Variants in RECQL5 observed in about 807,000 individuals in gnomAD.
The protein encoded by RECQL5 is ATP-dependent DNA helicase Q5.
In RECQL5, 88 loss-of-function variants were observed where a neutral mutation model predicts 103.4. The ratio of observed to expected loss-of-function variants is 0.85; its 90% confidence interval spans 0.72 to 1.02. The LOEUF is 1.02. RECQL5 is among the 50% of genes least tolerant of loss of function. The pLI, the probability that RECQL5 is intolerant of heterozygous loss-of-function variation, is 0.00. For synonymous variants in RECQL5, 552 were observed against 507.9 expected, an observed-to-expected ratio of 1.09 and a Z score of -1.17; for missense variants, 1,232 against 1,284.3, an observed-to-expected ratio of 0.96 and a Z score of 0.62.
chr17:75,657,058 T>C (rs532615659), intron 7 of RECQL5, among the ~76,000 whole-genome samples: 3 of 152,238 alleles, frequency 2.0e-5, no homozygotes, highest in African/African-American at 7.2e-5. Flanking sequence ...TATTGTCATT[T>C]TGGCAGAGAT....
chr17:75,631,077 AGAG>A, intron 10 of RECQL5, 67 bp from the exon 11 acceptor site: 1 of 1,609,438 alleles, frequency 6.2e-7, no homozygotes, highest in South Asian at 1.1e-5. Context: ...ATCCAGCACC[AGAG>A]AAGGGGCTGA....
In RECQL5 at chr17:75,662,800, C is replaced by T. The variant is rs1386615887; in HGVS notation, c.450G>A (p.Leu150=). ...CTTCATCCACCACCAAGTAAGACAG[C>T]AGGTGGCGGGACACCAGGGAGTTCA... ...PTLNSLVSRH[L]LSYLVVDEAH... The change falls in exon 4 of 20, where the codon CTG becomes CTA. Residue 150 remains leucine (L), a synonymous_variant. Coordinates refer to ENST00000317905, the MANE Select transcript of RECQL5 (RefSeq NM_004259.7). The T allele has an allele frequency of 6.2e-7, 1 of 1,614,124 alleles. No homozygotes were observed. Among genetic ancestry groups the T allele is most frequent in the South Asian group, 1.1e-5 (1 of 91,084 alleles).
At chr17:75,638,007 G>T (rs2059359421) in intron 8 of RECQL5, 3 of 152,222 alleles carry the variant, frequency 2.0e-5, no homozygotes, top group Admixed American at 2.0e-4. Context: ...AGCATTCTAG[G>T]ACCCTATGCC....
intron 8 of RECQL5, among the ~76,000 whole-genome samples, chr17:75,641,987 C>T (rs2059440856): frequency 6.6e-6 from 1 of 152,178 alleles, no homozygotes; most frequent in African/African-American, 2.4e-5. Flanking sequence ...GTCTAGCACT[C>T]AGCTCGGTGC....
chr17:75,644,052 C>T (rs2059462030), intron 8 of RECQL5, among the ~76,000 whole-genome samples: 1 of 152,228 alleles, frequency 6.6e-6, no homozygotes, highest in Admixed American at 6.5e-5. Context: ...GCCTGTAATC[C>T]CAGCACTTTG....
At chr17:75,631,039 G>T in intron 10 of RECQL5, 29 bp from the exon 11 acceptor site, 1 of 1,613,264 alleles carries the variant, frequency 6.2e-7, no homozygotes, top group East Asian at 2.2e-5. Flanking sequence ...GACCCATGAG[G>T]CGTCCTGCCC....
intron 4 of RECQL5, among the ~76,000 whole-genome samples, chr17:75,662,031 C>T (rs1164625655): frequency 6.6e-6 from 1 of 152,192 alleles, no homozygotes; most frequent in Non-Finnish European, 1.5e-5. Flanking sequence ...AGTGGTGGCG[C>T]ATGCCTGTAA....
intron 7 of RECQL5, among the ~76,000 whole-genome samples, chr17:75,657,301 C>T (rs2059636398): frequency 6.6e-6 from 1 of 152,218 alleles, no homozygotes; most frequent in African/African-American, 2.4e-5. Context: ...AGGAGGATCA[C>T]TCGAGCCCAG....
chr17:75,647,580 G>A, intron 8 of RECQL5: 6 of 1,549,336 alleles, frequency 3.9e-6, no homozygotes, highest in Non-Finnish European at 4.4e-6. Flanking sequence ...ACTTGCTGGG[G>A]ACTGAGATGG....
intron 8 of RECQL5, among the ~76,000 whole-genome samples, chr17:75,643,109 C>T (rs1599024019): frequency 6.6e-6 from 1 of 152,244 alleles, no homozygotes; most frequent in African/African-American, 2.4e-5. Context: ...AAGAAAAACA[C>T]AGGGTAGTGG....
In RECQL5 at chr17:75,658,434, T is replaced by C. The variant is rs916795801; in HGVS notation, c.1013A>G (p.Lys338Arg). ...CTCCTGGTAGTACCCAGCCATAGAC[T>C]TGGCAATATTCCAATGGGCGACAAA... The part of the protein sequence containing the change: ...VRFVAHWNIA[K>R]SMAGYYQESG... The change falls in exon 7 of 20, where the codon AAG (lysine) becomes AGG (arginine). Residue 338 changes from lysine (K) to arginine (R), a missense_variant. Lys to Arg is a conservative substitution (Grantham distance 26). Transcript: ENST00000317905. The C allele has an allele frequency of 7.4e-6, 12 of 1,613,662 alleles. No individual in the cohort carries two copies. The Admixed American group carries it at 8.3e-5, about 11-fold the overall frequency.
intron 8 of RECQL5, among the ~76,000 whole-genome samples, chr17:75,633,112 C>T (rs1230769577): frequency 6.6e-6 from 1 of 152,244 alleles, no homozygotes; most frequent in South Asian, 2.1e-4. Context: ...CTCCTGCCCC[C>T]ACTCTGCTCC....
chr17:75,649,827 C>T, intron 8 of RECQL5: 1 of 985,498 alleles, frequency 1.0e-6, no homozygotes, highest in Non-Finnish European at 1.2e-6. Flanking sequence ...GTCACCTGGA[C>T]TCCTTGAGTC....
chr17:75,627,309 G>A lies in RECQL5; in HGVS notation c.*113C>T, dbSNP rs991287762. Reference sequence around the variant, plus strand: ...GTCATCCCCAAAGCCAAGTATGGTTGGAAAGGAGAAGGACTGAGAAAAGAC... The same window carrying A: ...GTCATCCCCAAAGCCAAGTATGGTTAGAAAGGAGAAGGACTGAGAAAAGAC... On this transcript the variant is annotated 3_prime_UTR_variant, in exon 20 of 20. Coordinates refer to ENST00000317905, the MANE Select transcript of RECQL5 (RefSeq NM_004259.7). 2.4e-6 allele frequency: 2 copies of A among 848,370 alleles called. No individual in the cohort carries two copies. The highest frequency in any genetic ancestry group is 3.9e-6 in the Non-Finnish European group (2 of 508,226). 52.6% of individuals were successfully genotyped at this position (848,370 alleles called of 1,614,324 possible). A position where few individuals can be genotyped will look rare whatever the true frequency, so the allele number is the denominator to read the frequency against.
In RECQL5 at chr17:75,630,273, C is replaced by A. The variant is rs763219972; in HGVS notation, c.1723G>T (p.Asp575Tyr). ...AGCTCCACGGCCTTGGCCCGGAGGT[C>A]AGCTCTGTGGGTGCAAGGTAACAGG... ...RQSTRTADEA[D>Y]LRAKAVELEH... Residue 575 changes from aspartate to tyrosine, a missense_variant, in exon 14 of 20, where the codon GAC becomes TAC. Transcript: ENST00000317905. 5 of 1,556,460 alleles carry A rather than the reference C, an allele frequency of 3.2e-6. No homozygotes were observed. Among genetic ancestry groups the A allele is most frequent in the Non-Finnish European group, 4.4e-6 (5 of 1,149,330 alleles).
At chr17:75,644,972 T>A (rs820205) in intron 8 of RECQL5, among the ~76,000 whole-genome samples, 54,649 of 152,166 alleles carry the variant, frequency 0.36, 10,022 homozygotes, top group East Asian at 0.54. Flanking sequence ...ACATACACCT[T>A]TTCCTTGGCC....
intron 7 of RECQL5, among the ~76,000 whole-genome samples, chr17:75,657,272 C>T (rs548838458): frequency 4.0e-4 from 61 of 152,224 alleles, no homozygotes; most frequent in Middle Eastern, 3.4e-3. Context: ...CTGGTCCCAG[C>T]GACTTGAGAG....
In RECQL5 at chr17:75,630,285, T is replaced by A. The variant is rs1251347871; in HGVS notation, c.1719-8A>T. ...TTGGCCCGGAGGTCAGCTCTGTGGG[T>A]GCAAGGTAACAGGCACAAGGTATCA... On this transcript the variant is annotated splice_polypyrimidine_tract_variant and splice_region_variant and intron_variant, in intron 13 of 19. Coordinates refer to ENST00000317905, the MANE Select transcript of RECQL5 (RefSeq NM_004259.7). The A allele has an allele frequency of 6.5e-7, 1 of 1,549,440 alleles. No homozygotes were observed. Among genetic ancestry groups the A allele is most frequent in the African/African-American group, 1.4e-5 (1 of 73,192 alleles).
chr17:75,627,661 G>A lies in RECQL5; in HGVS notation c.2837C>T (p.Ser946Leu). ...AGAGGTCTTCTGAGTCAGCAAGTGTGAGAGGTGGCGGGCAAAGCCTTTAAA... is the reference window on the plus strand; with the variant it reads ...AGAGGTCTTCTGAGTCAGCAAGTGTAAGAGGTGGCGGGCAAAGCCTTTAAA... ...ELFKGFARHL[S>L]HLLTQKTSPG... Residue 946 changes from serine to leucine, a missense_variant, in exon 19 of 20, where the codon TCA (serine) becomes TTA (leucine). By Grantham distance (145) the Ser-to-Leu change is moderately radical (BLOSUM62 -2). Transcript: ENST00000317905. 4 of 1,611,440 alleles carry A rather than the reference G, an allele frequency of 2.5e-6. No homozygotes were observed. The highest frequency in any genetic ancestry group is 3.4e-6 in the Non-Finnish European group (4 of 1,178,780).
Sources: allele counts gnomAD v4.1 joint callset (sites outside exome capture counted in the v4.1 genomes callset), GRCh38; gene constraint gnomAD v4.1.1; transcripts MANE v1.5; gene names NCBI Gene and HGNC (gene_info 2026-07-23, HGNC 2026-07-21).